The following ATXN7 variants were observed in gnomAD, a reference collection of about 807,000 sequenced individuals.
ATXN7 encodes ataxin-7.
ATXN7 carries 12 observed loss-of-function variants against 70.5 expected under a neutral mutation model. The ratio of observed to expected loss-of-function variants is 0.17; its 90% CI spans 0.11 to 0.28. The LOEUF (loss-of-function observed/expected upper bound fraction) is 0.28. Among genes scored for constraint, ATXN7 ranks in the 10% least tolerant of loss-of-function variants. ATXN7 has a pLI of 1.00. For missense variants in ATXN7, 1,256 were observed against 1,131.7 expected (o/e 1.11, Z -1.58); for synonymous variants, 498 against 448.7 (o/e 1.11, Z -1.39).
chr3:63,997,634 C>A (rs1488745755), intron 12 of ATXN7: 1 of 1,552,052 alleles, frequency 6.4e-7, no homozygotes, highest in East Asian at 2.4e-5. Flanking sequence ...ATCTCCTCAC[C>A]TTGCTTACGA....
intron 2 of ATXN7, among the ~76,000 whole-genome samples, chr3:63,909,009 C>T (rs1207798440): frequency 1.9e-4 from 29 of 152,176 alleles, no homozygotes. Flanking sequence ...CCCCTACTTA[C>T]TACTTTTCTC....
At chr3:63,931,477 C>T (rs1399470312) in intron 4 of ATXN7, among the ~76,000 whole-genome samples, 1 of 152,142 alleles carries the variant, frequency 6.6e-6, no homozygotes, top group Non-Finnish European at 1.5e-5. Flanking sequence ...GGGAGAGCCC[C>T]TGGAGGCCAT....
intron 5 of ATXN7, among the ~76,000 whole-genome samples, chr3:63,966,106 G>T (rs965894669): frequency 4.6e-5 from 7 of 152,136 alleles, no homozygotes; most frequent in African/African-American, 7.2e-5. Context: ...TTTCCCCACT[G>T]TATTTCGTAC....
intron 12 of ATXN7, among the ~76,000 whole-genome samples, chr3:63,997,262 G>A (rs1298242086): frequency 6.6e-6 from 1 of 151,966 alleles, no homozygotes; most frequent in Admixed American, 6.6e-5. Context: ...AAAAAAAAAA[G>A]AGCATTTATT....
At chr3:63,983,127 G>T in intron 8 of ATXN7, 106 bp downstream of exon 8, 1 of 934,656 alleles carries the variant, frequency 1.1e-6, no homozygotes, top group Non-Finnish European at 1.7e-6. Flanking sequence ...GATGCTCTGT[G>T]GATTGTTGTG....
chr3:63,940,353 T>TA (rs1335934898), intron 4 of ATXN7, among the ~76,000 whole-genome samples: 4 of 150,662 alleles, frequency 2.7e-5, no homozygotes, highest in African/African-American at 9.8e-5. Context: ...CTGGGAGCCT[T>TA]ACGGCAGACA....
intron 5 of ATXN7, among the ~76,000 whole-genome samples, chr3:63,958,371 C>G (rs1305418360): frequency 6.6e-6 from 1 of 152,108 alleles, no homozygotes; most frequent in East Asian, 1.9e-4. Context: ...TAATTGGTTT[C>G]AAAGAATGTT....
At position 63,912,698 on chromosome 3, in the gene ATXN7, C is replaced by T. The variant is rs1356861716; in HGVS notation, c.100C>T (p.Gln34Ter). ...CGCGGCCGCCCGGCAGCAGCAGCAG[C>T]AGCAGCAGCAGCAGCAGCCGCCGCC... ...AAAAARQQQQ[Q>*]QQQQQPPPPQ... The change falls in exon 3 of 13, where the codon CAG (glutamine) becomes TAG (stop). Residue 34 changes from glutamine (Q) to a stop codon, truncating the protein, a stop_gained. Coordinates refer to ENST00000674280, the MANE Select transcript of ATXN7 (RefSeq NM_001377405.1). LOFTEE classifies it high-confidence loss of function. 1.7e-6 allele frequency: 2 copies of T among 1,169,368 alleles called. No homozygotes were observed. The highest frequency in any genetic ancestry group is 2.1e-6 in the Non-Finnish European group (2 of 941,340). 72.4% of individuals were successfully genotyped at this position (1,169,368 alleles called of 1,614,324 possible). A position where few individuals can be genotyped will look rare whatever the true frequency, so the allele number is the denominator to read the frequency against.
At chr3:63,992,261 A>C (rs774863693) in intron 11 of ATXN7, among the ~76,000 whole-genome samples, 1 of 152,206 alleles carries the variant, frequency 6.6e-6, no homozygotes, top group African/African-American at 2.4e-5. Context: ...GATTCAGAGC[A>C]CTGTTACTCT....
chr3:63,934,817 C>T (rs1412410314), intron 4 of ATXN7, among the ~76,000 whole-genome samples: 2 of 152,186 alleles, frequency 1.3e-5, no homozygotes. Context: ...TAGAGTTTCT[C>T]AGTCTCAACA....
chr3:63,943,291 G>A (rs1170030934), intron 4 of ATXN7, among the ~76,000 whole-genome samples: 1 of 152,210 alleles, frequency 6.6e-6, no homozygotes, highest in African/African-American at 2.4e-5. Context: ...AGTGTGTCTT[G>A]AGGTTGCCGA....
chr3:63,908,841 G>T (rs899779042), intron 2 of ATXN7, among the ~76,000 whole-genome samples: 2 of 152,170 alleles, frequency 1.3e-5, no homozygotes, highest in African/African-American at 4.8e-5. Flanking sequence ...GGCATCTACT[G>T]AGAACATCCC....
chr3:63,999,229 T>C (rs749362570), intron 12 of ATXN7: 5 of 504,918 alleles, frequency 9.9e-6, no homozygotes, highest in African/African-American at 3.8e-5. Flanking sequence ...TTCTAGCCAG[T>C]TGGCTAGAAG....
intron 4 of ATXN7, among the ~76,000 whole-genome samples, chr3:63,926,449 A>ATCTGAAGTC (rs975110014): frequency 6.6e-6 from 1 of 152,182 alleles, no homozygotes; most frequent in African/African-American, 2.4e-5. Context: ...GGAACAGCAA[A>ATCTGAAGTC]TCTGAAGTCT....
chr3:63,893,492 T>C (rs939550230), intron 1 of ATXN7, among the ~76,000 whole-genome samples: 23 of 152,204 alleles, frequency 1.5e-4, no homozygotes, highest in African/African-American at 3.4e-4. Flanking sequence ...AGGATGGCTA[T>C]ATTGAACATA....
chr3:63,879,191 A>T (rs1216244684), intron 1 of ATXN7, among the ~76,000 whole-genome samples: 1 of 152,240 alleles, frequency 6.6e-6, no homozygotes, highest in African/African-American at 2.4e-5. Context: ...ATCTTTTAAT[A>T]TAAATAGCCC....
Position 63,982,360 on chromosome 3 carries a change from C to G in ATXN7, c.927C>G (p.Gly309=), listed in dbSNP as rs1476374623. The G allele has an allele frequency of 6.2e-7, 1 of 1,614,148 alleles. No homozygotes were observed. Among genetic ancestry groups the G allele is most frequent in the East Asian group, 2.2e-5 (1 of 44,888 alleles). Residue 309 remains glycine (G), a synonymous_variant, in exon 7 of 13, where the codon GGC becomes GGG. Transcript: ENST00000674280. ...CTTCACCTGGACAGATTCTGAATGGCAAAGGGCTTCCTGCACCGCCCACTC... is the reference window on the plus strand; with the variant it reads ...CTTCACCTGGACAGATTCTGAATGGGAAAGGGCTTCCTGCACCGCCCACTC... ...TLPSPGQILN[G]KGLPAPPTLE...
Position 63,995,198 on chromosome 3 carries a change from A to G in ATXN7, c.1683-307A>G, listed in dbSNP as rs527240830. ...AGAAGCTGGGGTATTGGGTCATGGC[A>G]TTTTCTCAGAATATAAGGAAGTACA... On this transcript the variant is annotated intron_variant, in intron 11 of 12. Coordinates refer to ENST00000674280, the MANE Select transcript of ATXN7 (RefSeq NM_001377405.1). 1.1e-3 allele frequency among the ~76,000 whole-genome samples: 160 copies of G among 149,854 alleles called. 1 individual carries two copies. Among genetic ancestry groups the G allele is most frequent in the Non-Finnish European group, 1.3e-3 (90 of 67,652 alleles).
chr3:63,990,987 A>C (rs763112292), intron 11 of ATXN7, 128 bp downstream of exon 11: 1 of 1,385,774 alleles, frequency 7.2e-7, no homozygotes, highest in Admixed American at 2.0e-5. Flanking sequence ...CCCTGAGAAG[A>C]AGGTGCCTTG....
Sources: gnomAD v4.1 joint callset for allele counts (sites outside exome capture counted in the v4.1 genomes callset) on GRCh38, gnomAD v4.1.1 for gene constraint, MANE v1.5 for transcripts, NCBI Gene and HGNC (gene_info 2026-07-23, HGNC 2026-07-21) for gene names.